The following TCHP variants were observed in gnomAD, a reference collection of about 807,000 sequenced individuals.
TCHP encodes the protein trichoplein keratin filament-binding protein.
Under a neutral mutation model 88.7 loss-of-function variants are expected in TCHP, and 81 were observed. The observed-to-expected ratio is 0.91, with a 90% confidence interval of 0.76 to 1.10. The LOEUF is 1.10. TCHP is among the 50% of genes least tolerant of loss of function. TCHP has a pLI of 0.00. For synonymous variants in TCHP, 232 were observed against 232.5 expected, an observed-to-expected ratio of 1.00 and a Z score of 0.02; for missense variants, 641 against 632.1, an observed-to-expected ratio of 1.01 and a Z score of -0.15.
Position 109,903,867 on chromosome 12 carries a change from A to G in TCHP, c.189-70A>G, listed in dbSNP as rs1869958590. The G allele has an allele frequency of 3.0e-6, 4 of 1,320,704 alleles. No individual in the cohort carries two copies. In the Admixed American group the frequency reaches 7.9e-5, roughly 26 times the overall value. 81.8% of individuals were successfully genotyped at this position (1,320,704 alleles called of 1,614,324 possible). A position where few individuals can be genotyped will look rare whatever the true frequency, so the allele number is the denominator to read the frequency against. On this transcript the variant is annotated intron_variant, in intron 2 of 12. Transcript: ENST00000405876. The surrounding 1 kb of genome is among the most constrained non-coding windows in gnomAD (Gnocchi z 4.6). ...ACATCTACCTCAGCCTCTTTTACCG[A>G]CACAGCAGAGCAGAGCACGTTCCCT...
At chr12:109,909,937 C>CCTGGGGGA (rs1421707225) in intron 8 of TCHP, among the ~76,000 whole-genome samples, 3 of 152,116 alleles carry the variant, frequency 2.0e-5, no homozygotes, top group Non-Finnish European at 4.4e-5. Flanking sequence ...TGCACTCAAG[C>CCTGGGGGA]CTGGGGGACA....
rs1202748977 is a variant in TCHP, at chr12:109,906,640, G to A, written c.525G>A (p.Gln175=). Residue 175 remains glutamine (Q), a splice_region_variant and synonymous_variant, in exon 5 of 13, where the codon CAG becomes CAA. Coordinates refer to ENST00000405876, the MANE Select transcript of TCHP (RefSeq NM_001143852.2). The part of the protein sequence containing the change: ...SWEMQKEEKK[Q]QEATAEQENK... ...AAATGCAGAAAGAAGAAAAAAAACAGGTGTGGTATGTGGCTCTGGGAATAG... is the reference window on the plus strand; with the variant it reads ...AAATGCAGAAAGAAGAAAAAAAACAAGTGTGGTATGTGGCTCTGGGAATAG... 1 of 1,606,194 alleles carries A rather than the reference G, an allele frequency of 6.2e-7. No homozygotes were observed. The highest frequency in any genetic ancestry group is 1.7e-5 in the Admixed American group (1 of 59,994).
chr12:109,890,072 T>A, the TCHP span, among the ~76,000 whole-genome samples: 1 of 152,200 alleles, frequency 6.6e-6, no homozygotes, highest in Non-Finnish European at 1.5e-5. Flanking sequence ...ATTTTGATCA[T>A]TTTAACAGCA....
chr12:109,898,439 A>AC (rs1480968301), upstream of TCHP, among the ~76,000 whole-genome samples: 2 of 152,128 alleles, frequency 1.3e-5, no homozygotes, highest in Non-Finnish European at 2.9e-5. Flanking sequence ...GAAGCTCCTG[A>AC]CCTCAAGAGA....
chr12:109,904,260 C>T (rs1274353075), intron 3 of TCHP, 113 bp downstream of exon 3: 2 of 926,536 alleles, frequency 2.2e-6, no homozygotes, highest in Non-Finnish European at 3.3e-6. Context: ...TGCCAGTTAA[C>T]TCCAGAGCCA....
At chr12:109,884,095 A>G in the TCHP span, among the ~76,000 whole-genome samples, 3 of 152,218 alleles carry the variant, frequency 2.0e-5, no homozygotes, top group Non-Finnish European at 4.4e-5. Flanking sequence ...GGAAGGCTGA[A>G]GTGGGAGGAC....
chr12:109,892,404 A>G, the TCHP span, among the ~76,000 whole-genome samples: 1 of 152,168 alleles, frequency 6.6e-6, no homozygotes, highest in African/African-American at 2.4e-5. Flanking sequence ...TGAGAGATAA[A>G]GAAATGACCA....
intron 11 of TCHP, chr12:109,915,143 C>A (rs1287845601): frequency 1.1e-5 from 6 of 570,244 alleles, no homozygotes; most frequent in South Asian, 8.0e-5. Context: ...CCACGAGGTA[C>A]ACGCCACGCA....
chr12:109,907,861 T>A (rs1255988590), intron 6 of TCHP, among the ~76,000 whole-genome samples, 162 bp downstream of exon 6: 7 of 152,254 alleles, frequency 4.6e-5, no homozygotes, highest in African/African-American at 1.7e-4. Flanking sequence ...CCCATCTGCC[T>A]TGTGCTTTCC....
At position 109,903,324 on chromosome 12, in the gene TCHP, C is replaced by G. The variant is rs1315291055; in HGVS notation, c.188+110C>G. ...AGGATTTGCCAGGCAGTATGAATTA[C>G]CTGCATGGTGATGTTTTTCCAGCTG... On this transcript the variant is annotated intron_variant, in intron 2 of 12. Coordinates refer to ENST00000405876, the MANE Select transcript of TCHP (RefSeq NM_001143852.2). This position sits in a 1 kb window ranked among gnomAD's most constrained non-coding sequence, Gnocchi z 4.6. The G allele has an allele frequency of 1.3e-5, 12 of 955,464 alleles. No homozygotes were observed. In the East Asian group the frequency reaches 3.1e-4, roughly 25 times the overall value. 59.2% of individuals were successfully genotyped at this position (955,464 alleles called of 1,614,324 possible). A position where few individuals can be genotyped will look rare whatever the true frequency, so the allele number is the denominator to read the frequency against.
chr12:109,882,750 C>T, the TCHP span, among the ~76,000 whole-genome samples: 3 of 150,430 alleles, frequency 2.0e-5, no homozygotes, highest in Non-Finnish European at 3.0e-5. Context: ...CTCCGCCTCC[C>T]GGGTTCAGGC....
At chr12:109,911,042 G>A (rs1323166192) in intron 8 of TCHP, 21 bp from the exon 9 acceptor site, 3 of 1,536,026 alleles carry the variant, frequency 2.0e-6, no homozygotes, top group African/African-American at 1.4e-5. Flanking sequence ...CCAGCCACGT[G>A]CCGCCCTCTG....
In TCHP at chr12:109,903,139, G is replaced by C. The variant is rs1869910517; in HGVS notation, c.113G>C (p.Ser38Thr). 4.3e-6 allele frequency: 7 copies of C among 1,614,082 alleles called. No individual in the cohort carries two copies. In the East Asian group the frequency reaches 1.6e-4, roughly 36 times the overall value. ...CTTCGGCAGCAGTGGGAGCAGAACAGCCGTTACTTCAGGATGTCTGACATC... is the reference window on the plus strand; with the variant it reads ...CTTCGGCAGCAGTGGGAGCAGAACACCCGTTACTTCAGGATGTCTGACATC... ...ARLRQQWEQN[S>T]RYFRMSDICS... Residue 38 changes from serine to threonine, a missense_variant, in exon 2 of 13, where the codon AGC becomes ACC. Physicochemically the swap from Ser to Thr is moderately conservative, Grantham distance 58. Transcript: ENST00000405876. This position sits in a 1 kb window ranked among gnomAD's most constrained non-coding sequence, Gnocchi z 4.6.
rs949702543 is a variant in TCHP, at chr12:109,905,093, A to G, written c.456+300A>G. On this transcript the variant is annotated intron_variant, in intron 4 of 12. Coordinates refer to ENST00000405876, the MANE Select transcript of TCHP (RefSeq NM_001143852.2). This position sits in a 1 kb window ranked among gnomAD's most constrained non-coding sequence, Gnocchi z 4.0. ...GGGAGCTCATTACAGGGCAGGATGC[A>G]GGGTGCTGGGCCAGCCTGAGAGGAT... is the stretch of plus-strand genomic sequence containing the variant. 4 of 407,754 alleles carry G rather than the reference A, an allele frequency of 9.8e-6. No homozygotes were observed. The highest frequency in any genetic ancestry group is 1.8e-5 in the Non-Finnish European group (4 of 223,338). The allele number at this position is 407,754 out of a possible 1,614,324, so 25.3% of individuals were successfully genotyped here.
the TCHP span, among the ~76,000 whole-genome samples, chr12:109,892,793 T>G: frequency 6.6e-6 from 1 of 152,026 alleles, no homozygotes; most frequent in African/African-American, 2.4e-5. Context: ...CTCAGTGGGG[T>G]TACTCTAACT....
chr12:109,906,378 C>A (rs1388662444), intron 4 of TCHP, among the ~76,000 whole-genome samples, 194 bp from the exon 5 acceptor site: 1 of 152,146 alleles, frequency 6.6e-6, no homozygotes, highest in Non-Finnish European at 1.5e-5. Flanking sequence ...CTTTGGTCTT[C>A]TGATTGACAT....
chr12:109,894,725 A>G, the TCHP span, among the ~76,000 whole-genome samples: 2 of 142,790 alleles, frequency 1.4e-5, no homozygotes, highest in African/African-American at 2.7e-5. Flanking sequence ...AGATCGCGCC[A>G]TTGCACTCCA....
intron 6 of TCHP, 95 bp from the exon 7 acceptor site, chr12:109,908,491 T>C: frequency 2.0e-6 from 2 of 1,013,990 alleles, no homozygotes; most frequent in South Asian, 1.4e-5. Context: ...CCTCTGTTGG[T>C]GTAGTGTCTG....
At chr12:109,890,773 G>A in the TCHP span, among the ~76,000 whole-genome samples, 31 of 152,082 alleles carry the variant, frequency 2.0e-4, no homozygotes, top group Admixed American at 1.6e-3. Flanking sequence ...GCCTCCTAAC[G>A]TGCTGTGATT....
Sources: gnomAD v4.1 joint callset for allele counts (sites outside exome capture counted in the v4.1 genomes callset) on GRCh38, gnomAD v4.1.1 for gene constraint, Gnocchi (gnomAD v3.1) non-coding constraint, MANE v1.5 for transcripts, NCBI Gene and HGNC (gene_info 2026-07-23, HGNC 2026-07-21) for gene names.